The following TRAP1 variants were observed in gnomAD, a reference collection of about 807,000 sequenced individuals.
TRAP1 encodes heat shock protein 75 kDa, mitochondrial.
Under a neutral mutation model 89.1 loss-of-function variants are expected in TRAP1, and 102 were observed. The ratio of observed to expected loss-of-function variants is 1.15; its 90% confidence interval spans 0.98 to 1.35. The LOEUF (loss-of-function observed/expected upper bound fraction) is 1.35, where lower values mean the gene tolerates loss of function less well. TRAP1 is among the 40% of genes most tolerant of loss of function. The pLI, the probability that TRAP1 is intolerant of heterozygous loss-of-function variation, is 0.00. For synonymous variants in TRAP1, 508 were observed against 388.0 expected, an observed-to-expected ratio of 1.31 and a Z score of -3.64; for missense variants, 1,256 against 945.3, an observed-to-expected ratio of 1.33 and a Z score of -4.31.
intron 1 of TRAP1, among the ~76,000 whole-genome samples, chr16:3,695,890 G>C (rs1426307321): frequency 6.6e-6 from 1 of 152,182 alleles, no homozygotes; most frequent in Non-Finnish European, 1.5e-5. Context: ...CACTGATAAG[G>C]AAGGGGCAGG....
chr16:3,658,962 G>A, intron 16 of TRAP1, 97 bp from the exon 17 acceptor site: 7 of 1,232,228 alleles, frequency 5.7e-6, no homozygotes, highest in Non-Finnish European at 8.2e-6. Context: ...AAGAAGCACA[G>A]TAAGACTGTC....
intron 7 of TRAP1, among the ~76,000 whole-genome samples, 182 bp downstream of exon 7, chr16:3,675,854 G>A (rs2151256120): frequency 6.6e-6 from 1 of 152,344 alleles, no homozygotes. Flanking sequence ...GTCCCAGCAG[G>A]AGCTCGATGC....
intron 5 of TRAP1, chr16:3,678,437 G>C (rs1439825551): frequency 3.3e-5 from 5 of 151,928 alleles, no homozygotes; most frequent in African/African-American, 1.2e-4. Flanking sequence ...TCAAGTCACA[G>C]TTAGGGTGGG....
intron 1 of TRAP1, among the ~76,000 whole-genome samples, chr16:3,691,525 G>A (rs1233097992): frequency 6.6e-6 from 1 of 152,170 alleles, no homozygotes; most frequent in Non-Finnish European, 1.5e-5. Context: ...CCAGCTGGCA[G>A]ATGCCTGCTG....
intron 16 of TRAP1, chr16:3,660,935 T>A: frequency 6.8e-6 from 1 of 146,520 alleles, no homozygotes; most frequent in East Asian, 2.1e-4. Context: ...AAAATTAAAA[T>A]ACTACTTAGG....
intron 10 of TRAP1, 127 bp from the exon 11 acceptor site, chr16:3,671,918 G>A: frequency 3.0e-6 from 3 of 992,946 alleles, no homozygotes; most frequent in Middle Eastern, 2.1e-4. Flanking sequence ...GAGGGAAGCA[G>A]GGAGGCGGCA....
In TRAP1 at chr16:3,662,072, G is replaced by A. The variant is rs781709401; in HGVS notation, c.1855C>T (p.Arg619Cys). The change falls in exon 16 of 18, where the codon CGC (arginine) becomes TGC (cysteine). Residue 619 changes from arginine to cysteine, a missense_variant. By Grantham distance (180) the Arg-to-Cys change is radical (BLOSUM62 -3). Transcript: ENST00000246957. ...MVTVLEMGAA[R>C]HFLRMQQLAK... ...AGCTGCTGCATGCGCAGGAAGTGGC[G>A]GGCAGCCCCCATCTCCAGCACGGTG... 42 of 1,613,202 alleles carry A rather than the reference G, an allele frequency of 2.6e-5. No individual in the cohort carries two copies. In the Admixed American group the frequency reaches 2.7e-4, roughly 10 times the overall value.
intron 1 of TRAP1, among the ~76,000 whole-genome samples, chr16:3,704,708 C>CA (rs375453097): frequency 1.6e-4 from 24 of 152,016 alleles, no homozygotes; most frequent in African/African-American, 5.3e-4. Context: ...TAAACACACA[C>CA]AAAAAAAGGT....
chr16:3,688,597 CCCAG>C (rs1201991215), intron 3 of TRAP1, among the ~76,000 whole-genome samples: 1 of 152,136 alleles, frequency 6.6e-6, no homozygotes, highest in Non-Finnish European at 1.5e-5. Context: ...ATCCTCCCAC[CCCAG>C]CCTCCTGAGT....
rs376055787 is a variant in TRAP1, at chr16:3,671,796, G to C, written c.1166-5C>G. 18 of 1,611,512 alleles carry C rather than the reference G, an allele frequency of 1.1e-5. No homozygotes were observed. The African/African-American group carries it at 2.2e-4, about 19-fold the overall frequency. ...TGTCCTCACTGTCCACCACACCTGG[G>C]AGACACGGCAGTCAGCTTCTCCCGG... is the stretch of plus-strand genomic sequence containing the variant. On this transcript the variant is annotated splice_region_variant and splice_polypyrimidine_tract_variant and intron_variant, in intron 10 of 17. Coordinates refer to ENST00000246957, the MANE Select transcript of TRAP1 (RefSeq NM_016292.3).
chr16:3,679,579 T>C, intron 5 of TRAP1, 140 bp downstream of exon 5: 1 of 830,280 alleles, frequency 1.2e-6, no homozygotes, highest in Non-Finnish European at 2.0e-6. Flanking sequence ...TGTCATGTCA[T>C]GAGGTGTTCC....
In TRAP1 at chr16:3,711,135, C is replaced by G. The variant is rs1223669028; in HGVS notation, c.88+6286G>C. On this transcript the variant is annotated intron_variant, in intron 1 of 17. Coordinates refer to ENST00000246957, the MANE Select transcript of TRAP1 (RefSeq NM_016292.3). ...CACAGGATCCTCCCGCCGCAGCCCCCAAAGTGCTGGGATTACAAGCATGAG... is the reference window on the plus strand; with the variant it reads ...CACAGGATCCTCCCGCCGCAGCCCCGAAAGTGCTGGGATTACAAGCATGAG... 2.0e-5 allele frequency among the ~76,000 whole-genome samples: 3 copies of G among 151,966 alleles called. No individual in the cohort carries two copies. In the East Asian group the frequency reaches 5.8e-4, roughly 29 times the overall value.
intron 16 of TRAP1, 34 bp downstream of exon 16, chr16:3,661,953 C>T (rs374707079): frequency 1.3e-6 from 2 of 1,562,064 alleles, no homozygotes; most frequent in Non-Finnish European, 1.7e-6. Context: ...CTGGGGAATC[C>T]CACAGGCTGG....
chr16:3,673,561 G>A lies in TRAP1; in HGVS notation c.1045-741C>T, dbSNP rs1030083755. 5.4e-4 allele frequency among the ~76,000 whole-genome samples: 81 copies of A among 150,106 alleles called. 1 individual carries two copies. The highest frequency in any genetic ancestry group is 1.7e-3 in the African/African-American group (71 of 41,438). On this transcript the variant is annotated intron_variant, in intron 9 of 17. Transcript: ENST00000246957. ...GGGGCGACCTGGTTAAAATGGGGGG[G>A]ATCCGGTTAAAATGCGGGGAGATCT...
chr16:3,709,457 C>A (rs1281409514), intron 1 of TRAP1, among the ~76,000 whole-genome samples: 2 of 152,112 alleles, frequency 1.3e-5, no homozygotes, highest in African/African-American at 4.8e-5. Flanking sequence ...TTGGCAATGC[C>A]GTCTGTTATC....
rs770031395 is a variant in TRAP1, at chr16:3,686,036, T to G, written c.431A>C (p.His144Pro). 1 of 1,614,054 alleles carries G rather than the reference T, an allele frequency of 6.2e-7. No individual in the cohort carries two copies. Among genetic ancestry groups the G allele is most frequent in the Non-Finnish European group, 8.5e-7 (1 of 1,180,000 alleles). ...DGQALPEMEI[H>P]LQTNAEKGTI... ...GCCTTTCTCGGCATTGGTCTGCAAG[T>G]GAATCTCCATTTCTGGCAGTGCTTG... Residue 144 changes from histidine to proline, a missense_variant, in exon 4 of 18, where the codon CAC becomes CCC. By Grantham distance (77) the His-to-Pro change is moderately conservative. Transcript: ENST00000246957.
In TRAP1 at chr16:3,658,146, C is replaced by G; in HGVS notation, c.2098G>C (p.Ala700Pro). The change falls in exon 18 of 18, where the codon GCC becomes CCC. Residue 700 changes from alanine (A) to proline (P), a missense_variant. Physicochemically the swap from Ala to Pro is conservative, Grantham distance 27 (BLOSUM62 -1). Transcript: ENST00000246957. ...VGRLNELLVKALERH is the reference protein window; with the variant it reads ...VGRLNELLVKPLERH ...CCTGGCTGTCAGTGTCGCTCCAGGG[C>G]CTTGACAAGCAGCTCATTCAAGCGG... is the stretch of plus-strand genomic sequence containing the variant. The G allele has an allele frequency of 1.2e-6, 2 of 1,614,090 alleles. No individual in the cohort carries two copies. The highest frequency in any genetic ancestry group is 1.7e-6 in the Non-Finnish European group (2 of 1,180,006).
chr16:3,689,189 CAAG>C (rs777256478), intron 2 of TRAP1, 52 bp from the exon 3 acceptor site: 19 of 1,433,600 alleles, frequency 1.3e-5, no homozygotes, highest in Non-Finnish European at 1.9e-5. Context: ...TATTTTTGTG[CAAG>C]AATACGCTAC....
chr16:3,668,146 A>C (rs2050862132), intron 11 of TRAP1, among the ~76,000 whole-genome samples: 1 of 151,098 alleles, frequency 6.6e-6, no homozygotes, highest in African/African-American at 2.4e-5. Flanking sequence ...CAGGCTGGTA[A>C]CTCCTGACCT....
Sources: gnomAD v4.1 joint callset for allele counts (sites outside exome capture counted in the v4.1 genomes callset) on GRCh38, gnomAD v4.1.1 for gene constraint, MANE v1.5 for transcripts, NCBI Gene and HGNC (gene_info 2026-07-23, HGNC 2026-07-21) for gene names.